The following DPYSL2 variants were observed in gnomAD, a reference collection of about 807,000 sequenced individuals.
The protein encoded by DPYSL2 is dihydropyrimidinase like 2, also known as dihydropyrimidinase-related protein 2.
Under a neutral mutation model 69.9 loss-of-function variants are expected in DPYSL2, and 13 were observed. The ratio of observed to expected loss-of-function variants is 0.19; its 90% CI spans 0.12 to 0.30. The LOEUF is 0.30. Among genes scored for constraint, DPYSL2 ranks in the 10% least tolerant of loss-of-function variants. The probability of loss-of-function intolerance (pLI) is 1.00; values close to 1 mark genes in which losing one functional copy is unlikely to be tolerated. For missense variants in DPYSL2, 587 were observed against 918.9 expected, an observed-to-expected ratio of 0.64 and a Z score of 4.67; for synonymous variants, 326 against 359.1, an observed-to-expected ratio of 0.91 and a Z score of 1.04.
chr8:26,567,667 A>G (rs1292112411), intron 1 of DPYSL2, among the ~76,000 whole-genome samples: 1 of 152,238 alleles, frequency 6.6e-6, no homozygotes, highest in Admixed American at 6.5e-5. Context: ...ATGGTTGCAC[A>G]GAGGAGTGAT....
At chr8:26,539,398 G>C (rs1800643757) in intron 1 of DPYSL2, among the ~76,000 whole-genome samples, 2 of 152,168 alleles carry the variant, frequency 1.3e-5, no homozygotes, top group Non-Finnish European at 2.9e-5. Flanking sequence ...CGGTGTTACT[G>C]TAGCCCTCTA....
Position 26,591,102 on chromosome 8 carries a change from C to G in DPYSL2, c.628+7119C>G, listed in dbSNP as rs746058775. ...ACTCACTGGGGTGGTGATCTTCCAC[C>G]CCTTCAGGTGCCCTCATCCCAGTTC... On this transcript the variant is annotated intron_variant, in intron 3 of 13. Transcript: ENST00000521913. The surrounding 1 kb of genome is among the most constrained non-coding windows in gnomAD (Gnocchi z 5.8). Among the ~76,000 whole-genome samples the G allele has an allele frequency of 6.6e-6, 1 of 152,174 alleles. No individual in the cohort carries two copies. Among genetic ancestry groups the G allele is most frequent in the African/African-American group, 2.4e-5 (1 of 41,438 alleles).
chr8:26,619,090 A>G lies in DPYSL2; in HGVS notation c.629-5053A>G, dbSNP rs1802424634. ...AGCCTATTCTCTTTTCACTGCTGGT[A>G]TAGTCGGGTTGCCAAGGCTGCCCTC... On this transcript the variant is annotated intron_variant, in intron 3 of 13. Coordinates refer to ENST00000521913, the MANE Select transcript of DPYSL2 (RefSeq NM_001197293.3). The surrounding 1 kb of genome is among the most constrained non-coding windows in gnomAD (Gnocchi z 4.8). Among the ~76,000 whole-genome samples, 1 of 152,166 alleles carries G rather than the reference A, an allele frequency of 6.6e-6. No individual in the cohort carries two copies. The highest frequency in any genetic ancestry group is 6.5e-5 in the Admixed American group (1 of 15,284).
intron 10 of DPYSL2, among the ~76,000 whole-genome samples, chr8:26,645,225 C>A (rs977342985): frequency 1.3e-5 from 2 of 151,960 alleles, no homozygotes; most frequent in African/African-American, 4.8e-5. Flanking sequence ...ATGGCAAAAC[C>A]CTGTCTCTAC....
intron 3 of DPYSL2, among the ~76,000 whole-genome samples, chr8:26,607,302 T>C (rs982620216): frequency 6.6e-6 from 1 of 151,040 alleles, no homozygotes; most frequent in African/African-American, 2.4e-5. Context: ...CTGGCCAATA[T>C]GGTGAAACCC....
intron 10 of DPYSL2, among the ~76,000 whole-genome samples, chr8:26,646,513 G>A (rs556335180): frequency 2.0e-5 from 3 of 152,296 alleles, no homozygotes; most frequent in South Asian, 2.1e-4. Context: ...ACTGATTAGA[G>A]TGAAAATTTT....
In DPYSL2 at chr8:26,624,440, G is replaced by A. The variant is rs541800353; in HGVS notation, c.793+133G>A. ...CATGCCCATGCCTGCCCCTGGGAAG[G>A]AGAGAGGGCTTTGGGCCGCAGCTTA... On this transcript the variant is annotated intron_variant, in intron 4 of 13. Coordinates refer to ENST00000521913, the MANE Select transcript of DPYSL2 (RefSeq NM_001197293.3). This position sits in a 1 kb window ranked among gnomAD's most constrained non-coding sequence, Gnocchi z 4.7. 72 of 1,193,902 alleles carry A rather than the reference G, an allele frequency of 6.0e-5. No homozygotes were observed. The South Asian group carries it at 1.0e-3, about 17-fold the overall frequency. 74.0% of individuals were successfully genotyped at this position (1,193,902 alleles called of 1,614,324 possible).
rs954765458 is a variant in DPYSL2, at chr8:26,605,045, G to A, written c.629-19098G>A. Among the ~76,000 whole-genome samples, 1 of 152,128 alleles carries A rather than the reference G, an allele frequency of 6.6e-6. No homozygotes were observed. Among genetic ancestry groups the A allele is most frequent in the Non-Finnish European group, 1.5e-5 (1 of 68,030 alleles). ...AGAGTATCTTTTATGTTTCTCAAAG[G>A]CGTTATGTTCTGCATTGTAAATGTG... On this transcript the variant is annotated intron_variant, in intron 3 of 13. Transcript: ENST00000521913. This position sits in a 1 kb window ranked among gnomAD's most constrained non-coding sequence, Gnocchi z 4.1.
At chr8:26,649,847 G>A (rs910645398) in intron 11 of DPYSL2, among the ~76,000 whole-genome samples, 2 of 152,208 alleles carry the variant, frequency 1.3e-5, no homozygotes, top group Admixed American at 1.3e-4. Context: ...ATGGTTTGAT[G>A]GAGAGTAGGC....
At chr8:26,596,410 C>T (rs933895224) in intron 3 of DPYSL2, among the ~76,000 whole-genome samples, 7 of 152,228 alleles carry the variant, frequency 4.6e-5, no homozygotes, top group African/African-American at 1.7e-4. Flanking sequence ...CTCTAAAGGA[C>T]ACAAGGACAC....
chr8:26,622,147 T>TCCC (rs1802502421), intron 3 of DPYSL2, among the ~76,000 whole-genome samples: 1 of 49,634 alleles, frequency 2.0e-5, no homozygotes, highest in African/African-American at 5.8e-5. Flanking sequence ...CCTTCCTTCC[T>TCCC]TCCTTCCTTC....
At chr8:26,628,981 A>G (rs547915449) in intron 7 of DPYSL2, among the ~76,000 whole-genome samples, 93 of 152,290 alleles carry the variant, frequency 6.1e-4, no homozygotes, top group African/African-American at 1.9e-3. Context: ...CAAAGGCACC[A>G]TCTGTGTACT....
intron 4 of DPYSL2, among the ~76,000 whole-genome samples, chr8:26,625,393 C>T (rs1802592039): frequency 6.6e-6 from 1 of 152,172 alleles, no homozygotes; most frequent in Admixed American, 6.5e-5. Context: ...CTGCTCCAAA[C>T]CAGGCAGGAG....
At chr8:26,559,037 G>A (rs544471927) in intron 1 of DPYSL2, among the ~76,000 whole-genome samples, 1 of 152,218 alleles carries the variant, frequency 6.6e-6, no homozygotes, top group East Asian at 1.9e-4. Context: ...CTGCCTCCCG[G>A]GTTCAAGAAA....
rs531523138 is a variant in DPYSL2 at position 26,586,685 on chromosome 8, A to T, written c.628+2702A>T. Among the ~76,000 whole-genome samples, 2 of 152,052 alleles carry T rather than the reference A, an allele frequency of 1.3e-5. No homozygotes were observed. The highest frequency in any genetic ancestry group is 1.3e-4 in the Admixed American group (2 of 15,274). On this transcript the variant is annotated intron_variant, in intron 3 of 13. Coordinates refer to ENST00000521913, the MANE Select transcript of DPYSL2 (RefSeq NM_001197293.3). The surrounding 1 kb of genome is among the most constrained non-coding windows in gnomAD (Gnocchi z 4.7). ...GGTTCCTTCTGTTTAGGGACGAGGG[A>T]CATCCCCCTCTGAGTGCAGCACCTG...
At chr8:26,555,531 A>C (rs1021147856) in intron 1 of DPYSL2, among the ~76,000 whole-genome samples, 3 of 152,170 alleles carry the variant, frequency 2.0e-5, no homozygotes, top group African/African-American at 7.2e-5. Flanking sequence ...ATATAAATCT[A>C]ACAGAATATG....
At chr8:26,612,995 G>A (rs1404801762) in intron 3 of DPYSL2, among the ~76,000 whole-genome samples, 3 of 152,198 alleles carry the variant, frequency 2.0e-5, no homozygotes, top group African/African-American at 4.8e-5. Context: ...AACACTTTGT[G>A]AATCACTTAA....
intron 7 of DPYSL2, among the ~76,000 whole-genome samples, chr8:26,630,409 C>T (rs1174476428): frequency 6.6e-6 from 1 of 152,008 alleles, no homozygotes; most frequent in Non-Finnish European, 1.5e-5. Context: ...GGCTTTGTTC[C>T]GCCCTGAAAC....
At chr8:26,541,119 G>T (rs1465779299) in intron 1 of DPYSL2, among the ~76,000 whole-genome samples, 1 of 152,064 alleles carries the variant, frequency 6.6e-6, no homozygotes, top group Non-Finnish European at 1.5e-5. Context: ...GTTGTCGAAA[G>T]TTAAGGACAA....
Sources: gnomAD v4.1 joint callset for allele counts (sites outside exome capture counted in the v4.1 genomes callset) on GRCh38, gnomAD v4.1.1 for gene constraint, Gnocchi (gnomAD v3.1) non-coding constraint, MANE v1.5 for transcripts, NCBI Gene and HGNC (gene_info 2026-07-23, HGNC 2026-07-21) for gene names.